The following GSTCD variants were observed in gnomAD, a reference collection of about 807,000 sequenced individuals.
The protein encoded by GSTCD is glutathione S-transferase C-terminal domain-containing protein.
A neutral mutation model predicts 68.3 loss-of-function variants in GSTCD; 44 were observed. The observed-to-expected ratio is 0.64, with a 90% confidence interval of 0.51 to 0.83. The LOEUF (loss-of-function observed/expected upper bound fraction) is 0.83, where lower values mean the gene tolerates loss of function less well. Among genes scored for constraint, GSTCD ranks in the 40% least tolerant of loss-of-function variants. The probability of loss-of-function intolerance (pLI) is 0.00; values close to 1 mark genes in which losing one functional copy is unlikely to be tolerated. For missense variants in GSTCD, 739 were observed against 735.9 expected, an observed-to-expected ratio of 1.00 and a Z score of -0.05; for synonymous variants, 273 against 255.2, an observed-to-expected ratio of 1.07 and a Z score of -0.67.
At chr4:105,807,930 G>A (rs879794732) in intron 5 of GSTCD, among the ~76,000 whole-genome samples, 3 of 152,024 alleles carry the variant, frequency 2.0e-5, no homozygotes, top group African/African-American at 4.8e-5. Context: ...TTATTACAAC[G>A]GTCATTATTA....
chr4:105,735,866 G>A (rs2149216827), intron 5 of GSTCD, among the ~76,000 whole-genome samples: 1 of 151,976 alleles, frequency 6.6e-6, no homozygotes, highest in South Asian at 2.1e-4. Context: ...CAGGTAACAT[G>A]TCATACTTTA....
chr4:105,757,858 A>G (rs1246184111), intron 5 of GSTCD, among the ~76,000 whole-genome samples: 1 of 152,228 alleles, frequency 6.6e-6, no homozygotes, highest in Non-Finnish European at 1.5e-5. Flanking sequence ...AGACTATTTC[A>G]ATATAAATGA....
chr4:105,765,645 G>A (rs1391443133), intron 5 of GSTCD, among the ~76,000 whole-genome samples: 3 of 152,170 alleles, frequency 2.0e-5, no homozygotes, highest in Non-Finnish European at 4.4e-5. Context: ...GATATGGCCT[G>A]GCTCTGTGTC....
At chr4:105,823,198 A>G (rs1247155130) in intron 6 of GSTCD, 33 bp from the exon 7 acceptor site, 1 of 1,610,318 alleles carries the variant, frequency 6.2e-7, no homozygotes, top group East Asian at 2.2e-5. Context: ...GTGGGGACCA[A>G]AGCTAACTTG....
In GSTCD at chr4:105,842,113, C is replaced by G; in HGVS notation, c.1744C>G (p.Pro582Ala). 1 of 1,613,920 alleles carries G rather than the reference C, an allele frequency of 6.2e-7. No homozygotes were observed. The highest frequency in any genetic ancestry group is 1.6e-4 in the Middle Eastern group (1 of 6,062). Residue 582 changes from proline to alanine, a missense_variant, in exon 11 of 12, where the codon CCA (proline) becomes GCA (alanine). Physicochemically the swap from Pro to Ala is conservative, Grantham distance 27 (BLOSUM62 -1). Transcript: ENST00000515279. ...TGCAGACCAGACAGCTGTCCAGCTC[C>G]CACCCCAACGAAGGCTCATAGGTAT... ...RFADQTAVQLPPQRRLIGKQC... is the reference protein window; with the variant it reads ...RFADQTAVQLAPQRRLIGKQC...
intron 5 of GSTCD, among the ~76,000 whole-genome samples, chr4:105,760,177 A>C (rs938729826): frequency 6.6e-6 from 1 of 151,908 alleles, no homozygotes; most frequent in Admixed American, 6.6e-5. Context: ...CAAAAAAAAA[A>C]AAAAAAAAAG....
intron 5 of GSTCD, among the ~76,000 whole-genome samples, chr4:105,770,406 A>T (rs1045181838): frequency 2.0e-5 from 3 of 147,606 alleles, no homozygotes; most frequent in Non-Finnish European, 4.5e-5. Flanking sequence ...AAGTTCTGGG[A>T]TACATGTGCA....
chr4:105,819,903 C>A (rs1273740581), intron 5 of GSTCD, among the ~76,000 whole-genome samples: 2 of 151,286 alleles, frequency 1.3e-5, no homozygotes, highest in Non-Finnish European at 3.0e-5. Flanking sequence ...ACACAGAATA[C>A]TGTTGGTGTG....
At chr4:105,781,829 C>T (rs1347638920) in intron 5 of GSTCD, among the ~76,000 whole-genome samples, 16 of 146,968 alleles carry the variant, frequency 1.1e-4, no homozygotes, top group Admixed American at 8.2e-4. Flanking sequence ...AAAGATAATG[C>T]GGGTTTGGAT....
At position 105,758,545 on chromosome 4, in the gene GSTCD, G is replaced by C. The variant is rs375644522; in HGVS notation, c.1240+29046G>C. 2.6e-5 allele frequency among the ~76,000 whole-genome samples: 4 copies of C among 152,144 alleles called. No individual in the cohort carries two copies. The East Asian group carries it at 7.7e-4, about 29-fold the overall frequency. On this transcript the variant is annotated intron_variant, in intron 5 of 11. Transcript: ENST00000515279. ...CCTTTGCCTTCTGCCATAAATGGAAGCTTCCTGAGGCTTCCCCAGAGGCAG... is the reference window on the plus strand; with the variant it reads ...CCTTTGCCTTCTGCCATAAATGGAACCTTCCTGAGGCTTCCCCAGAGGCAG...
At chr4:105,802,501 A>G (rs773853458) in intron 5 of GSTCD, among the ~76,000 whole-genome samples, 1 of 152,108 alleles carries the variant, frequency 6.6e-6, no homozygotes, top group Non-Finnish European at 1.5e-5. Context: ...ATACCAGGTG[A>G]GTTCTTTGAA....
intron 1 of GSTCD, chr4:105,711,147 A>G (rs906856364): frequency 2.0e-5 from 3 of 152,234 alleles, no homozygotes; most frequent in Non-Finnish European, 4.4e-5. Flanking sequence ...TCAGCCAAAT[A>G]CTGTTGTTTT....
At chr4:105,782,533 A>G (rs1735317013) in intron 5 of GSTCD, among the ~76,000 whole-genome samples, 1 of 152,104 alleles carries the variant, frequency 6.6e-6, no homozygotes, top group African/African-American at 2.4e-5. Context: ...AAAACAGGAG[A>G]AAGATAAAAA....
At chr4:105,827,624 T>C (rs928060051) in intron 8 of GSTCD, among the ~76,000 whole-genome samples, 8 of 152,126 alleles carry the variant, frequency 5.3e-5, no homozygotes, top group Non-Finnish European at 1.2e-4. Flanking sequence ...AACTCCTGTG[T>C]TAAATGTGTT....
At chr4:105,793,032 T>A (rs1355598271) in intron 5 of GSTCD, among the ~76,000 whole-genome samples, 1 of 152,034 alleles carries the variant, frequency 6.6e-6, no homozygotes, top group East Asian at 1.9e-4. Flanking sequence ...TTTATATAAA[T>A]CTAAATTAGA....
At chr4:105,776,487 C>T (rs988274333) in intron 5 of GSTCD, among the ~76,000 whole-genome samples, 1 of 152,168 alleles carries the variant, frequency 6.6e-6, no homozygotes, top group Non-Finnish European at 1.5e-5. Flanking sequence ...AAGGGAATAT[C>T]CTGGACTTTG....
intron 5 of GSTCD, among the ~76,000 whole-genome samples, chr4:105,770,526 C>T (rs1251903967): frequency 6.6e-6 from 1 of 152,078 alleles, no homozygotes; most frequent in Non-Finnish European, 1.5e-5. Flanking sequence ...TCCTCTATTC[C>T]CCCAAACTCT....
In GSTCD at chr4:105,812,616, A is replaced by T. The variant is rs755379039; in HGVS notation, c.1241-10338A>T. Among the ~76,000 whole-genome samples the T allele has an allele frequency of 2.0e-5, 3 of 152,032 alleles. No homozygotes were observed. In the South Asian group the frequency reaches 6.2e-4, roughly 32 times the overall value. ...TAGGTTGTGGCCAAAAGAAGCACCT[A>T]CTCTGGGTATACAATAACCATTAAG... On this transcript the variant is annotated intron_variant, in intron 5 of 11. Transcript: ENST00000515279.
intron 5 of GSTCD, among the ~76,000 whole-genome samples, chr4:105,779,207 C>T (rs1735186337): frequency 6.6e-6 from 1 of 152,066 alleles, no homozygotes; most frequent in Non-Finnish European, 1.5e-5. Context: ...TGGAACACTT[C>T]CTCAGTCTTT....
Sources: gnomAD v4.1 joint callset for allele counts (sites outside exome capture counted in the v4.1 genomes callset) on GRCh38, gnomAD v4.1.1 for gene constraint, MANE v1.5 for transcripts, NCBI Gene and HGNC (gene_info 2026-07-23, HGNC 2026-07-21) for gene names.